ING1: variants seen among roughly 807,000 people sequenced by gnomAD.
The protein encoded by ING1 is inhibitor of growth family member 1.
A neutral mutation model predicts 23.1 loss-of-function variants in ING1; 4 were observed. The observed-to-expected ratio is 0.17, with a 90% CI of 0.09 to 0.40. ING1 has a LOEUF of 0.40. Ranked by LOEUF, ING1 falls within the 10% of genes least tolerant of loss-of-function variation. The probability of loss-of-function intolerance (pLI) is 1.00; values close to 1 mark genes in which losing one functional copy is unlikely to be tolerated. For missense variants in ING1, 256 were observed against 393.8 expected, an observed-to-expected ratio of 0.65 and a Z score of 2.96; for synonymous variants, 179 against 166.4, an observed-to-expected ratio of 1.08 and a Z score of -0.58.
upstream of ING1, chr13:110,712,868 G>C (rs1352519427): frequency 2.3e-6 from 3 of 1,308,076 alleles, no homozygotes; most frequent in South Asian, 3.8e-5. Context: ...TTGTCTCCAA[G>C]CCGTTCCAAA....
Position 110,719,209 on chromosome 13 carries a change from C to T in ING1, c.137-20C>T. ...CCCGGTGTCCTGCTCGCGAGTGACG[C>T]CTGTCCTTCTTGCCCCCAGAGATCC... is the stretch of plus-strand genomic sequence containing the variant. On this transcript the variant is annotated intron_variant, in intron 1 of 1. Transcript: ENST00000333219. This position sits in a 1 kb window ranked among gnomAD's most constrained non-coding sequence, Gnocchi z 8.9. The T allele has an allele frequency of 1.2e-6, 2 of 1,611,764 alleles. No homozygotes were observed. Among genetic ancestry groups the T allele is most frequent in the Non-Finnish European group, 8.5e-7 (1 of 1,178,988 alleles).
chr13:110,719,131 C>T lies in ING1; in HGVS notation c.137-98C>T. Reference sequence around the variant, plus strand: ...TTCTGGGCAAGCCGTGCGCTGGCCCCTAGGCTCCCTGCCAGCCCTCTCCGT... The same window carrying T: ...TTCTGGGCAAGCCGTGCGCTGGCCCTTAGGCTCCCTGCCAGCCCTCTCCGT... On this transcript the variant is annotated intron_variant, in intron 1 of 1. Transcript: ENST00000333219. The surrounding 1 kb of genome is among the most constrained non-coding windows in gnomAD (Gnocchi z 8.9). 1 of 1,214,082 alleles carries T rather than the reference C, an allele frequency of 8.2e-7. No individual in the cohort carries two copies. The highest frequency in any genetic ancestry group is 1.2e-6 in the Non-Finnish European group (1 of 859,698). 75.2% of individuals were successfully genotyped at this position (1,214,082 alleles called of 1,614,324 possible). A position where few individuals can be genotyped will look rare whatever the true frequency, so the allele number is the denominator to read the frequency against.
chr13:110,717,343 G>C (rs530317639), intron 1 of ING1, among the ~76,000 whole-genome samples: 4 of 152,298 alleles, frequency 2.6e-5, no homozygotes, highest in African/African-American at 7.2e-5. Flanking sequence ...AGTCTTCAAA[G>C]CTGTCTTTAG....
chr13:110,718,725 A>G (rs1453354937), intron 1 of ING1, among the ~76,000 whole-genome samples: 1 of 151,738 alleles, frequency 6.6e-6, no homozygotes, highest in Non-Finnish European at 1.5e-5. Context: ...TTTATAATAT[A>G]TTTTATTAAT....
intron 1 of ING1, chr13:110,715,191 TG>T (rs1340029545): frequency 8.1e-7 from 1 of 1,241,538 alleles, no homozygotes; most frequent in African/African-American, 1.5e-5. Flanking sequence ...GTCAAGGCTT[TG>T]GGGGCTCTGT....
Position 110,714,064 on chromosome 13 carries a change from A to C in ING1, c.-86A>C. 7.4e-7 allele frequency: 1 copy of C among 1,353,238 alleles called. No homozygotes were observed. Among genetic ancestry groups the C allele is most frequent in the Non-Finnish European group, 9.6e-7 (1 of 1,039,698 alleles). 83.8% of individuals were successfully genotyped at this position (1,353,238 alleles called of 1,614,324 possible). On this transcript the variant is annotated 5_prime_UTR_variant, in exon 1 of 2. Transcript: ENST00000333219. The stretch of plus-strand genomic sequence containing the variant: ...GGCGCCGGGAGAGCGAGGGCTTTGC[A>C]TTTTGCAGTGCTATTTTTTGAGGGG...
In ING1 at chr13:110,722,485, C is replaced by T. The variant is rs1358171161; in HGVS notation, c.*2553C>T. ...TGCAGTTGCTCATCCTGGATTTCTT[C>T]ATATTCAGTTTTGGTGTAGACAACT... On this transcript the variant is annotated 3_prime_UTR_variant, in exon 2 of 2. Coordinates refer to ENST00000333219, the MANE Select transcript of ING1 (RefSeq NM_198219.3). 6.6e-6 allele frequency: 1 copy of T among 152,170 alleles called. No homozygotes were observed. The highest frequency in any genetic ancestry group is 2.4e-5 in the African/African-American group (1 of 41,444). 9.4% of individuals were successfully genotyped at this position (152,170 alleles called of 1,614,324 possible). A position where few individuals can be genotyped will look rare whatever the true frequency, so the allele number is the denominator to read the frequency against.
Position 110,721,124 on chromosome 13 carries a change from G to C in ING1, c.*1192G>C, listed in dbSNP as rs2064169141. On this transcript the variant is annotated 3_prime_UTR_variant, in exon 2 of 2. Transcript: ENST00000333219. ...GTCTGACTGCTTTTGCAAAACGGCA[G>C]AGTTCAATAGTTGCACCTGAAACCA... 1 of 166,522 alleles carries C rather than the reference G, an allele frequency of 6.0e-6. No individual in the cohort carries two copies. Among genetic ancestry groups the C allele is most frequent in the South Asian group, 2.1e-4 (1 of 4,830 alleles). The allele number at this position is 166,522 out of a possible 1,614,324, so 10.3% of individuals were successfully genotyped here. A position where few individuals can be genotyped will look rare whatever the true frequency, so the allele number is the denominator to read the frequency against.
upstream of ING1, chr13:110,713,579 C>A (rs1193066396): frequency 1.0e-6 from 1 of 985,816 alleles, no homozygotes; most frequent in Non-Finnish European, 1.2e-6. Context: ...CCCCCAGGGC[C>A]TGGGACGGTG....
At chr13:110,713,421 C>A (rs1366120624), upstream of ING1, 1 of 1,006,144 alleles carries the variant, frequency 9.9e-7, no homozygotes, top group Non-Finnish European at 1.2e-6. Flanking sequence ...GGCTCTGCCT[C>A]CAAGTGCCAA....
In ING1 at chr13:110,720,217, A is replaced by G. The variant is rs1277643454; in HGVS notation, c.*285A>G. ...ATTTCTTGCGGGAGGAGGGGGACTA[A>G]ACTCAACCTAACACATTAAATGTGG... is the stretch of plus-strand genomic sequence containing the variant. On this transcript the variant is annotated 3_prime_UTR_variant, in exon 2 of 2. Transcript: ENST00000333219. 1 of 253,200 alleles carries G rather than the reference A, an allele frequency of 3.9e-6. No homozygotes were observed. The highest frequency in any genetic ancestry group is 5.6e-5 in the Admixed American group (1 of 17,914). 15.7% of individuals were successfully genotyped at this position (253,200 alleles called of 1,614,324 possible). A position where few individuals can be genotyped will look rare whatever the true frequency, so the allele number is the denominator to read the frequency against.
At chr13:110,714,560 G>T (rs902599024) in intron 1 of ING1, among the ~76,000 whole-genome samples, 3 of 152,070 alleles carry the variant, frequency 2.0e-5, no homozygotes, top group Non-Finnish European at 4.4e-5. Context: ...GTGATGAGGC[G>T]GGTGCTGCGG....
intron 1 of ING1, chr13:110,715,529 G>A: frequency 1.2e-6 from 2 of 1,614,200 alleles, no homozygotes. Context: ...GCAATAACTG[G>A]TATGGGTCTG....
chr13:110,715,318 A>G (rs1348294048), intron 1 of ING1: 39 of 1,432,830 alleles, frequency 2.7e-5, no homozygotes, highest in Non-Finnish European at 3.5e-5. Flanking sequence ...CGAAAGTACT[A>G]GACGCCTCTG....
At chr13:110,714,991 G>C in intron 1 of ING1, 9 of 991,094 alleles carry the variant, frequency 9.1e-6, no homozygotes, top group Non-Finnish European at 9.6e-6. Context: ...GAGCGGAGGC[G>C]GGGAAGGCGC....
At chr13:110,712,938 C>T (rs1192473424), upstream of ING1, 10 of 1,558,074 alleles carry the variant, frequency 6.4e-6, no homozygotes, top group South Asian at 2.4e-5. Flanking sequence ...GCGCGGGAGC[C>T]GCCTAGGCTG....
chr13:110,715,002 C>G (rs2064096063), intron 1 of ING1: 2 of 990,660 alleles, frequency 2.0e-6, no homozygotes, highest in African/African-American at 3.5e-5. Flanking sequence ...GGGAAGGCGC[C>G]CATCTGCGCT....
chr13:110,716,160 G>A (rs2064121258), intron 1 of ING1: 1 of 818,226 alleles, frequency 1.2e-6, no homozygotes, highest in Non-Finnish European at 1.7e-6. Context: ...ATCGTTCGAC[G>A]ATAGAAAAAA....
Position 110,721,979 on chromosome 13 carries a change from A to T in ING1, c.*2047A>T, listed in dbSNP as rs2064174989. ...TACCACAAAGAAGTAGTGAGTGATG[A>T]CTTTCTAGAATCTAAGTATATGGCA... On this transcript the variant is annotated 3_prime_UTR_variant, in exon 2 of 2. Coordinates refer to ENST00000333219, the MANE Select transcript of ING1 (RefSeq NM_198219.3). 1 of 152,206 alleles carries T rather than the reference A, an allele frequency of 6.6e-6. No individual in the cohort carries two copies. The highest frequency in any genetic ancestry group is 2.4e-5 in the African/African-American group (1 of 41,450). 9.4% of individuals were successfully genotyped at this position (152,206 alleles called of 1,614,324 possible).
Sources: gnomAD v4.1 joint callset for allele counts (sites outside exome capture counted in the v4.1 genomes callset) on GRCh38, gnomAD v4.1.1 for gene constraint, Gnocchi (gnomAD v3.1) non-coding constraint, MANE v1.5 for transcripts, NCBI Gene and HGNC (gene_info 2026-07-23, HGNC 2026-07-21) for gene names.